The following DHX8 variants were observed in gnomAD, a reference collection of about 807,000 sequenced individuals.
DHX8 encodes the protein ATP-dependent RNA helicase DHX8.
A neutral mutation model predicts 140.7 loss-of-function variants in DHX8; 67 were observed. The ratio of observed to expected loss-of-function variants is 0.48; its 90% CI spans 0.39 to 0.58. DHX8 has a LOEUF of 0.58. DHX8 is among the 20% of genes least tolerant of loss of function. The pLI, the probability that DHX8 is intolerant of heterozygous loss-of-function variation, is 0.00. For synonymous variants in DHX8, 533 were observed against 553.2 expected, an observed-to-expected ratio of 0.96 and a Z score of 0.51; for missense variants, 887 against 1,550.7, an observed-to-expected ratio of 0.57 and a Z score of 7.19.
downstream of DHX8, chr17:43,526,746 C>T (rs1425730826): frequency 1.3e-5 from 18 of 1,335,336 alleles, no homozygotes; most frequent in East Asian, 7.7e-5. Flanking sequence ...CTTCCCACCA[C>T]GATAGCTTGG....
chr17:43,511,165 A>C (rs1169605984), intron 16 of DHX8, among the ~76,000 whole-genome samples: 1 of 152,094 alleles, frequency 6.6e-6, no homozygotes, highest in Non-Finnish European at 1.5e-5. Context: ...CCCTGTCTCT[A>C]CTAAAAATAC....
chr17:43,543,872 A>C (rs1232786017), intron 3 of DHX8: 1 of 152,190 alleles, frequency 6.6e-6, no homozygotes, highest in African/African-American at 2.4e-5. Context: ...ATAGTGGGCA[A>C]GACAGACCTA....
chr17:43,492,315 T>C (rs1968570454), intron 5 of DHX8, 23 bp downstream of exon 5: 47 of 1,595,990 alleles, frequency 2.9e-5, no homozygotes, highest in Non-Finnish European at 3.9e-5. Context: ...TGTCCTGTCC[T>C]TTGGAAGTTT....
chr17:43,530,356 G>A, downstream of DHX8: 2 of 1,465,738 alleles, frequency 1.4e-6, no homozygotes, highest in Non-Finnish European at 1.8e-6. Flanking sequence ...TCACCCAGAG[G>A]GAGTGTGATG....
chr17:43,527,956 G>A (rs1000580136), downstream of DHX8: 1 of 233,428 alleles, frequency 4.3e-6, no homozygotes, highest in African/African-American at 2.2e-5. Flanking sequence ...GTCCCTTGGA[G>A]CAGGAACCCA....
chr17:43,529,837 CAG>C (rs1567706590), downstream of DHX8: 1 of 1,607,412 alleles, frequency 6.2e-7, no homozygotes, highest in South Asian at 1.1e-5. Flanking sequence ...TGCAGGGACA[CAG>C]CGTGATAAGA....
chr17:43,532,242 A>G (rs1426844801), intron 2 of DHX8, among the ~76,000 whole-genome samples: 19 of 152,216 alleles, frequency 1.2e-4, no homozygotes, highest in Admixed American at 1.2e-3. Flanking sequence ...GCTCATGTCT[A>G]TAATCACAGC....
Position 43,490,481 on chromosome 17 carries a change from C to T in DHX8, c.307+18C>T. 1 of 1,600,730 alleles carries T rather than the reference C, an allele frequency of 6.2e-7. No homozygotes were observed. The highest frequency in any genetic ancestry group is 1.1e-5 in the South Asian group (1 of 90,388). ...TAGCAAAGGTAAGCAGAGCTTCCAG[C>T]TGAGCTTAGCTTCTAGAATGGTGTA... On this transcript the variant is annotated intron_variant, in intron 3 of 22. Transcript: ENST00000262415.
chr17:43,491,315 A>G, intron 4 of DHX8, 65 bp downstream of exon 4: 1 of 893,178 alleles, frequency 1.1e-6, no homozygotes. Flanking sequence ...TCTTTGTCTC[A>G]TAGTAATTTT....
In DHX8 at chr17:43,492,980, A is replaced by C; in HGVS notation, c.803A>C (p.Tyr268Ser). The part of the protein sequence containing the change: ...PPEEPTIGDI[Y>S]NGKVTSIMQF... ...GAAGAGCCCACCATTGGTGACATTT[A>C]TAATGGCAAAGTTACCAGCATCATG... is the stretch of plus-strand genomic sequence containing the variant. Residue 268 changes from tyrosine to serine, a missense_variant, in exon 6 of 23, where the codon TAT (tyrosine) becomes TCT (serine). By Grantham distance (144) the Tyr-to-Ser change is moderately radical (BLOSUM62 -2). This residue lies in a region of DHX8 where 304 missense variants were observed against 306.9 expected (regional missense o/e 0.99). Transcript: ENST00000262415. 1 of 1,614,222 alleles carries C rather than the reference A, an allele frequency of 6.2e-7. No homozygotes were observed. The highest frequency in any genetic ancestry group is 1.6e-4 in the Middle Eastern group (1 of 6,062).
At chr17:43,506,242 G>A (rs1425979433) in intron 12 of DHX8, among the ~76,000 whole-genome samples, 1 of 151,586 alleles carries the variant, frequency 6.6e-6, no homozygotes, top group Admixed American at 6.6e-5. Context: ...CTGGACTCAA[G>A]CAATCCTCCC....
At chr17:43,500,177 C>T in intron 11 of DHX8, 74 bp downstream of exon 11, 2 of 1,509,076 alleles carry the variant, frequency 1.3e-6, no homozygotes, top group South Asian at 2.5e-5. Flanking sequence ...GGGGTCACTC[C>T]CGGCACACAC....
chr17:43,496,941 A>T (rs936265567), intron 9 of DHX8, among the ~76,000 whole-genome samples: 1 of 152,120 alleles, frequency 6.6e-6, no homozygotes, highest in Non-Finnish European at 1.5e-5. Flanking sequence ...ACTTTTTTGA[A>T]ATTATGAAAT....
At chr17:43,520,084 G>C (rs961000030) in intron 18 of DHX8, 46 bp from the exon 19 acceptor site, 4 of 1,611,144 alleles carry the variant, frequency 2.5e-6, no homozygotes, top group African/African-American at 2.7e-5. Flanking sequence ...GCTGACACTG[G>C]CTAGACTGAC....
At chr17:43,530,889 G>A (rs1970892946), downstream of DHX8, among the ~76,000 whole-genome samples, 1 of 152,114 alleles carries the variant, frequency 6.6e-6, no homozygotes. Context: ...CCGGGAGGAG[G>A]CGGGAGGGTG....
rs147661030 is a variant in DHX8, at chr17:43,489,592, T to A, written c.234+58T>A. The stretch of plus-strand genomic sequence containing the variant: ...ATTAATGTTTTAATTTATGTTTGTT[T>A]GTTTGTTTTTTTTTTTGAGACAGAG... On this transcript the variant is annotated intron_variant, in intron 2 of 22. Coordinates refer to ENST00000262415, the MANE Select transcript of DHX8 (RefSeq NM_004941.3). 4.7e-4 allele frequency: 635 copies of A among 1,340,764 alleles called. 1 individual carries two copies. Among genetic ancestry groups the A allele is most frequent in the Non-Finnish European group, 6.2e-4 (593 of 950,354 alleles). The allele number at this position is 1,340,764 out of a possible 1,614,324, so 83.1% of individuals were successfully genotyped here. A position where few individuals can be genotyped will look rare whatever the true frequency, so the allele number is the denominator to read the frequency against.
chr17:43,537,902 G>A (rs1971327475), intron 3 of DHX8, among the ~76,000 whole-genome samples: 1 of 152,192 alleles, frequency 6.6e-6, no homozygotes, highest in East Asian at 1.9e-4. Context: ...GCTGAGGCGG[G>A]CAGATCACCA....
At chr17:43,514,391 A>G (rs1016319147) in intron 17 of DHX8, among the ~76,000 whole-genome samples, 2 of 152,146 alleles carry the variant, frequency 1.3e-5, no homozygotes, top group Admixed American at 1.3e-4. Flanking sequence ...AACATAAAAA[A>G]AGTTTGAATC....
chr17:43,496,290 G>A (rs1968852785), intron 9 of DHX8, 22 bp downstream of exon 9: 1 of 1,574,176 alleles, frequency 6.4e-7, no homozygotes, highest in African/African-American at 1.4e-5. Context: ...GTTGGATCGA[G>A]AAGGGTAATT....
Sources: allele counts gnomAD v4.1 joint callset (sites outside exome capture counted in the v4.1 genomes callset), GRCh38; gene constraint gnomAD v4.1.1; regional missense constraint gnomAD v4.1.1; transcripts MANE v1.5; gene names NCBI Gene and HGNC (gene_info 2026-07-23, HGNC 2026-07-21).